PPP1R21: variants seen among roughly 807,000 people sequenced by gnomAD.
The protein encoded by PPP1R21 is KLRAQ motif containing 1.
Under a neutral mutation model 112.8 loss-of-function variants are expected in PPP1R21, and 85 were observed. That is an observed-to-expected ratio of 0.75 (90% confidence interval 0.63 to 0.90). The LOEUF is 0.90. Ranked by LOEUF, PPP1R21 falls within the 40% of genes least tolerant of loss-of-function variation. The pLI, the probability that PPP1R21 is intolerant of heterozygous loss-of-function variation, is 0.00. For synonymous variants in PPP1R21, 381 were observed against 322.3 expected (o/e 1.18, Z -1.95); for missense variants, 1,199 against 901.5 (o/e 1.33, Z -4.23).
At chr2:48,510,210 G>C (rs1054361830) in intron 20 of PPP1R21, 97 bp downstream of exon 20, 1 of 793,544 alleles carries the variant, frequency 1.3e-6, no homozygotes, top group African/African-American at 1.7e-5. Flanking sequence ...TTGATCTCTA[G>C]ATATGCTTTT....
intron 1 of PPP1R21, among the ~76,000 whole-genome samples, chr2:48,444,931 C>G (rs1667182610): frequency 6.6e-6 from 1 of 150,530 alleles, no homozygotes; most frequent in African/African-American, 2.4e-5. Flanking sequence ...CTACAGTTTA[C>G]TTTGCAATTG....
chr2:48,459,071 G>A (rs138018039), intron 4 of PPP1R21, among the ~76,000 whole-genome samples: 10,694 of 135,722 alleles, frequency 0.079, 576 homozygotes, highest in Non-Finnish European at 0.12. Context: ...TAGCCTGGGC[G>A]ACAGAGTGAG....
chr2:48,454,831 C>T, intron 3 of PPP1R21, 90 bp downstream of exon 3: 1 of 981,972 alleles, frequency 1.0e-6, no homozygotes, highest in Non-Finnish European at 1.6e-6. Flanking sequence ...GACCCCACTG[C>T]CGAATTATTT....
chr2:48,463,803 G>T (rs1337817183), intron 7 of PPP1R21, among the ~76,000 whole-genome samples: 1 of 151,886 alleles, frequency 6.6e-6, no homozygotes, highest in Non-Finnish European at 1.5e-5. Context: ...CTGAGGAAAG[G>T]ATATGCAAGC....
intron 7 of PPP1R21, among the ~76,000 whole-genome samples, 167 bp from the exon 8 acceptor site, chr2:48,464,770 C>G (rs933196676): frequency 6.6e-6 from 1 of 152,018 alleles, no homozygotes; most frequent in Non-Finnish European, 1.5e-5. Context: ...ATTACTTTAT[C>G]TGAGAAACCA....
intron 17 of PPP1R21, chr2:48,502,110 A>T (rs530273878): frequency 5.3e-5 from 8 of 152,314 alleles, no homozygotes; most frequent in Non-Finnish European, 7.3e-5. Context: ...GGAAAACGCT[A>T]TTCTTACATA....
chr2:48,465,019 C>T (rs755320654), intron 8 of PPP1R21, 30 bp downstream of exon 8: 18 of 1,530,786 alleles, frequency 1.2e-5, no homozygotes, highest in Admixed American at 4.6e-5. Flanking sequence ...TTTTTATTTT[C>T]AGTTATATAT....
intron 6 of PPP1R21, 99 bp downstream of exon 6, chr2:48,460,252 A>C (rs1279590347): frequency 1.4e-5 from 17 of 1,219,406 alleles, no homozygotes; most frequent in Middle Eastern, 3.7e-4. Flanking sequence ...TCTTACATTT[A>C]AAAGGAGAAA....
chr2:48,465,565 C>A lies in PPP1R21; in HGVS notation c.820C>A (p.His274Asn), dbSNP rs776535786. 1.9e-6 allele frequency: 3 copies of A among 1,613,800 alleles called. No homozygotes were observed. Among genetic ancestry groups the A allele is most frequent in the African/African-American group, 1.3e-5 (1 of 74,934 alleles). The change falls in exon 9 of 22, where the codon CAT becomes AAT. Residue 274 changes from histidine (H) to asparagine (N), a missense_variant. By Grantham distance (68) the His-to-Asn change is moderately conservative (BLOSUM62 1). Transcript: ENST00000294952. ...TCTTGTGACGGCTCTTCTAAACTTT[C>A]ATACCTACACAGAACAGAGGATTCA... ...QDLVTALLNF[H>N]TYTEQRIQIF...
intron 9 of PPP1R21, among the ~76,000 whole-genome samples, chr2:48,465,865 A>G (rs940500607): frequency 1.2e-4 from 19 of 152,228 alleles, no homozygotes; most frequent in Admixed American, 1.2e-3. Flanking sequence ...GCTGATAAAG[A>G]CATACTGGAG....
intron 14 of PPP1R21, among the ~76,000 whole-genome samples, chr2:48,490,616 C>T (rs1179647251): frequency 6.6e-6 from 1 of 152,074 alleles, no homozygotes; most frequent in Non-Finnish European, 1.5e-5. Context: ...TATGTTATAT[C>T]TTCTGTTAGA....
chr2:48,486,980 G>C lies in PPP1R21; in HGVS notation c.1446+222G>C, dbSNP rs971835730. 4.6e-5 allele frequency among the ~76,000 whole-genome samples: 7 copies of C among 152,244 alleles called. No individual in the cohort carries two copies. The South Asian group carries it at 1.5e-3, about 32-fold the overall frequency. ...GTTGCCAGGCTTGACTCAAACTCCT[G>C]GACTCAGGGGAGTCTCCTGGGTGGC... On this transcript the variant is annotated intron_variant, in intron 14 of 21. Coordinates refer to ENST00000294952, the MANE Select transcript of PPP1R21 (RefSeq NM_001135629.3).
Position 48,505,767 on chromosome 2 carries a change from T to C in PPP1R21, c.1968+171T>C, listed in dbSNP as rs1338877316. Among the ~76,000 whole-genome samples, 3 of 152,358 alleles carry C rather than the reference T, an allele frequency of 2.0e-5. No homozygotes were observed. The East Asian group carries it at 5.8e-4, about 29-fold the overall frequency. On this transcript the variant is annotated intron_variant, in intron 18 of 21. Transcript: ENST00000294952. Reference sequence around the variant, plus strand: ...CCTTCGTGTATGGATCCATGTAGCTTTTCTCTGGTTCTGTTTTGATGGTCA... The same window carrying C: ...CCTTCGTGTATGGATCCATGTAGCTCTTCTCTGGTTCTGTTTTGATGGTCA...
Position 48,514,983 on chromosome 2 carries a change from T to C in PPP1R21, c.*239T>C, listed in dbSNP as rs1670809908. On this transcript the variant is annotated 3_prime_UTR_variant, in exon 22 of 22. Transcript: ENST00000294952. The stretch of plus-strand genomic sequence containing the variant: ...AAAACAATACGTATGTCATGGATAT[T>C]GTAGGTTTCCTTATGCTGTTTTTAC... The C allele has an allele frequency of 1.2e-5, 6 of 505,534 alleles. No homozygotes were observed. The East Asian group carries it at 1.3e-4, about 11-fold the overall frequency. The allele number at this position is 505,534 out of a possible 1,614,324, so 31.3% of individuals were successfully genotyped here.
intron 9 of PPP1R21, among the ~76,000 whole-genome samples, chr2:48,466,774 G>A (rs576147161): frequency 6.6e-6 from 1 of 152,278 alleles, no homozygotes; most frequent in East Asian, 1.9e-4. Context: ...GAGTGTGGGG[G>A]TTGGGAACAG....
Position 48,469,310 on chromosome 2 carries a change from C to T in PPP1R21, c.898-1777C>T, listed in dbSNP as rs867497469. Among the ~76,000 whole-genome samples, 140 of 112,306 alleles carry T rather than the reference C, an allele frequency of 1.2e-3. 8 individuals are homozygous for T. The highest frequency in any genetic ancestry group is 2.0e-3 in the Non-Finnish European group (108 of 54,442). The allele number at this position is 112,306 out of a possible 152,430, so 73.7% of individuals were successfully genotyped here. A position where few individuals can be genotyped will look rare whatever the true frequency, so the allele number is the denominator to read the frequency against. On this transcript the variant is annotated intron_variant, in intron 9 of 21. Transcript: ENST00000294952. Reference sequence around the variant, plus strand: ...GTGTGTGTGTGTATGTATATATATACACACACACACATATATATATAGAGC... The same window carrying T: ...GTGTGTGTGTGTATGTATATATATATACACACACACATATATATATAGAGC...
intron 2 of PPP1R21, among the ~76,000 whole-genome samples, chr2:48,452,901 A>G (rs889921790): frequency 9.9e-5 from 15 of 151,866 alleles, no homozygotes; most frequent in African/African-American, 2.9e-4. Flanking sequence ...CTCAACATGC[A>G]GGTAATGTCA....
At chr2:48,475,987 A>C (rs1330321031) in intron 12 of PPP1R21, among the ~76,000 whole-genome samples, 1 of 152,180 alleles carries the variant, frequency 6.6e-6, no homozygotes, top group African/African-American at 2.4e-5. Context: ...TATTAATTAA[A>C]GTTTACAATT....
intron 3 of PPP1R21, among the ~76,000 whole-genome samples, chr2:48,456,252 CTT>C (rs778594245): frequency 1.5e-4 from 20 of 130,288 alleles, no homozygotes; most frequent in Admixed American, 1.5e-4. Context: ...GATTGCTGCT[CTT>C]TTTTTTTTTT....
Sources: gnomAD v4.1 joint callset for allele counts (sites outside exome capture counted in the v4.1 genomes callset) on GRCh38, gnomAD v4.1.1 for gene constraint, MANE v1.5 for transcripts, NCBI Gene and HGNC (gene_info 2026-07-23, HGNC 2026-07-21) for gene names.